ITCH: variants seen among roughly 807,000 people sequenced by gnomAD.
ITCH encodes the protein E3 ubiquitin-protein ligase Itchy homolog.
Under a neutral mutation model 126.8 loss-of-function variants are expected in ITCH, and 28 were observed. That is an observed-to-expected ratio of 0.22 (90% CI 0.16 to 0.30). The LOEUF (loss-of-function observed/expected upper bound fraction) is 0.30. Among genes scored for constraint, ITCH ranks in the 10% least tolerant of loss-of-function variants. ITCH has a pLI of 1.00. For synonymous variants in ITCH, 342 were observed against 340.0 expected (o/e 1.01, Z -0.06); for missense variants, 631 against 1,032.4 (o/e 0.61, Z 5.33).
intron 10 of ITCH, among the ~76,000 whole-genome samples, chr20:34,443,570 C>T (rs1984050208): frequency 6.6e-6 from 1 of 151,732 alleles, no homozygotes; most frequent in Non-Finnish European, 1.5e-5. Context: ...AAGTCAGTAA[C>T]AAACATGGAA....
At chr20:34,418,748 CT>C (rs1190275968) in intron 6 of ITCH, among the ~76,000 whole-genome samples, 1 of 127,034 alleles carries the variant, frequency 7.9e-6, no homozygotes, top group African/African-American at 3.0e-5. Flanking sequence ...CTTTCTTTTT[CT>C]TTTTTTCCTT....
chr20:34,377,134 G>A (rs1466193928), intron 2 of ITCH, among the ~76,000 whole-genome samples: 2 of 152,158 alleles, frequency 1.3e-5, no homozygotes, highest in Non-Finnish European at 1.5e-5. Flanking sequence ...AGCACTTTGC[G>A]AGGCTGAGGT....
At chr20:34,495,114 A>C (rs1989773559) in intron 23 of ITCH, among the ~76,000 whole-genome samples, 1 of 147,966 alleles carries the variant, frequency 6.8e-6, no homozygotes, top group Admixed American at 6.7e-5. Flanking sequence ...AAAAAAAAAA[A>C]ATTAGCCAGG....
chr20:34,449,361 G>C (rs1181658907), intron 11 of ITCH, 50 bp from the exon 12 acceptor site: 13 of 1,115,116 alleles, frequency 1.2e-5, no homozygotes, highest in Non-Finnish European at 1.6e-5. Context: ...CTTGCTGTCA[G>C]ATAAGTTGTT....
chr20:34,392,865 A>AC (rs913337847), intron 2 of ITCH, among the ~76,000 whole-genome samples: 137 of 151,414 alleles, frequency 9.0e-4, no homozygotes, highest in Non-Finnish European at 1.3e-3. Flanking sequence ...AAGCAGAAGG[A>AC]CCCCCCCAGC....
chr20:34,445,548 G>C (rs938072041), intron 11 of ITCH, 87 bp downstream of exon 11: 1 of 1,334,912 alleles, frequency 7.5e-7, no homozygotes, highest in African/African-American at 1.4e-5. Flanking sequence ...CTAAAAAGAA[G>C]GTGCAAGTAG....
intron 6 of ITCH, among the ~76,000 whole-genome samples, chr20:34,422,119 C>G (rs188400801): frequency 2.0e-5 from 3 of 152,262 alleles, no homozygotes; most frequent in Non-Finnish European, 2.9e-5. Context: ...CTTATATGTG[C>G]TAGCACTGTG....
rs1259466560 is a variant in ITCH, at chr20:34,504,313, G to A, written c.2417-18G>A. ...TCCACTATACTAACAAACTGTTTATGATTTCATTATGTTTTAGGGAGCAAT... is the reference window on the plus strand; with the variant it reads ...TCCACTATACTAACAAACTGTTTATAATTTCATTATGTTTTAGGGAGCAAT... On this transcript the variant is annotated intron_variant, in intron 23 of 24. Coordinates refer to ENST00000374864, the MANE Select transcript of ITCH (RefSeq NM_031483.7). 1 of 1,597,262 alleles carries A rather than the reference G, an allele frequency of 6.3e-7. No homozygotes were observed. Among genetic ancestry groups the A allele is most frequent in the Non-Finnish European group, 8.6e-7 (1 of 1,164,882 alleles).
intron 3 of ITCH, chr20:34,401,704 T>C (rs1405696113): frequency 1.2e-6 from 1 of 845,710 alleles, no homozygotes; most frequent in Admixed American, 6.4e-5. Flanking sequence ...CATCCACTGG[T>C]TAATGAATTA....
chr20:34,442,110 A>G (rs1983834670), intron 9 of ITCH, 98 bp from the exon 10 acceptor site: 1 of 821,052 alleles, frequency 1.2e-6, no homozygotes, highest in Non-Finnish European at 2.1e-6. Flanking sequence ...TATTTGCCTT[A>G]GTTCAATAAT....
chr20:34,442,055 T>C (rs1235075068), intron 9 of ITCH, 153 bp from the exon 10 acceptor site: 3 of 684,762 alleles, frequency 4.4e-6, no homozygotes, highest in Non-Finnish European at 8.1e-6. Context: ...TTTCTTCACT[T>C]TATTCCTAAA....
chr20:34,402,857 T>C (rs1424199868), intron 3 of ITCH, among the ~76,000 whole-genome samples: 3 of 152,236 alleles, frequency 2.0e-5, no homozygotes, highest in Non-Finnish European at 4.4e-5. Flanking sequence ...AAATTTCTTA[T>C]ATTCTCGTCT....
chr20:34,370,935 G>A (rs1275622224), intron 2 of ITCH, among the ~76,000 whole-genome samples: 5 of 152,036 alleles, frequency 3.3e-5, no homozygotes, highest in Non-Finnish European at 5.9e-5. Flanking sequence ...TTGGGAGGCC[G>A]AGGCGGGTGG....
intron 23 of ITCH, among the ~76,000 whole-genome samples, chr20:34,495,336 C>T (rs1019500299): frequency 2.0e-5 from 3 of 149,010 alleles, no homozygotes; most frequent in East Asian, 2.0e-4. Flanking sequence ...CACACACACA[C>T]GGTAAATTGT....
intron 2 of ITCH, among the ~76,000 whole-genome samples, chr20:34,383,836 C>CTTTTTT (rs745864966): frequency 7.3e-5 from 5 of 68,670 alleles, no homozygotes; most frequent in Admixed American, 1.6e-4. Context: ...GTCTGTAATT[C>CTTTTTT]TTTTTTTTTT....
At chr20:34,369,939 A>G (rs2037556566) in intron 2 of ITCH, among the ~76,000 whole-genome samples, 1 of 151,814 alleles carries the variant, frequency 6.6e-6, no homozygotes, top group African/African-American at 2.4e-5. Context: ...CCCTGACTCC[A>G]CACAAAATAA....
chr20:34,480,637 T>A lies in ITCH; in HGVS notation c.1857T>A (p.Ser619=). The change falls in exon 19 of 25, where the codon TCT becomes TCA. Residue 619 remains serine, a synonymous_variant. Coordinates refer to ENST00000374864, the MANE Select transcript of ITCH (RefSeq NM_031483.7). The part of the protein sequence containing the change: ...FHGKFIDTGF[S]LPFYKRILNK... ...GGAAATTCATAGACACGGGTTTTTCTTTACCATTCTATAAGCGTATCTTGA... is the reference window on the plus strand; with the variant it reads ...GGAAATTCATAGACACGGGTTTTTCATTACCATTCTATAAGCGTATCTTGA... 6.2e-7 allele frequency: 1 copy of A among 1,613,812 alleles called. No homozygotes were observed. Among genetic ancestry groups the A allele is most frequent in the South Asian group, 1.1e-5 (1 of 91,066 alleles).
At chr20:34,450,345 C>A (rs1292131686) in intron 12 of ITCH, among the ~76,000 whole-genome samples, 3 of 152,088 alleles carry the variant, frequency 2.0e-5, no homozygotes, top group African/African-American at 7.2e-5. Context: ...AAACAAGGTT[C>A]AGAGTTTGGT....
At chr20:34,455,840 C>T (rs989014481) in intron 12 of ITCH, among the ~76,000 whole-genome samples, 9 of 151,768 alleles carry the variant, frequency 5.9e-5, no homozygotes, top group Non-Finnish European at 1.0e-4. Flanking sequence ...ATTTTGTAGA[C>T]TGGGAACACG....
Sources: allele counts gnomAD v4.1 joint callset (sites outside exome capture counted in the v4.1 genomes callset), GRCh38; gene constraint gnomAD v4.1.1; transcripts MANE v1.5; gene names NCBI Gene and HGNC (gene_info 2026-07-23, HGNC 2026-07-21).